The following HMCN2 variants were observed in gnomAD, a reference collection of about 807,000 sequenced individuals.
HMCN2 encodes hemicentin 2, also known as hemicentin-2.
Under a neutral mutation model 377.5 loss-of-function variants are expected in HMCN2, and 325 were observed. The observed-to-expected ratio is 0.86, with a 90% confidence interval of 0.79 to 0.94. HMCN2 has a LOEUF of 0.94. Among genes scored for constraint, HMCN2 ranks in the 40% least tolerant of loss-of-function variants. The pLI, the probability that HMCN2 is intolerant of heterozygous loss-of-function variation, is 0.00. For synonymous variants in HMCN2, 2,007 were observed against 2,046.8 expected, an observed-to-expected ratio of 0.98 and a Z score of 0.53; for missense variants, 4,543 against 4,725.3, an observed-to-expected ratio of 0.96 and a Z score of 1.13.
At position 130,354,856 on chromosome 9, in the gene HMCN2, A is replaced by C. The variant is rs1336517117; in HGVS notation, c.4958A>C (p.His1653Pro). 2.3e-6 allele frequency: 3 copies of C among 1,303,858 alleles called. No individual in the cohort carries two copies. Among genetic ancestry groups the C allele is most frequent in the Non-Finnish European group, 3.0e-6 (3 of 988,886 alleles). The allele number at this position is 1,303,858 out of a possible 1,614,324, so 80.8% of individuals were successfully genotyped here. A position where few individuals can be genotyped will look rare whatever the true frequency, so the allele number is the denominator to read the frequency against. The change falls in exon 32 of 98, where the codon CAC (histidine) becomes CCC (proline). Residue 1653 changes from histidine (H) to proline (P), a missense_variant. Physicochemically the swap from His to Pro is moderately conservative, Grantham distance 77. This residue lies in a region of HMCN2 where 1,032 missense variants were observed against 1,285.1 expected (regional missense o/e 0.80). Transcript: ENST00000683500. Reference protein sequence around the residue: ...PVALECVARGHPSPTLSWHHE... With the variant: ...PVALECVARGPPSPTLSWHHE... ...GCGCTGGAGTGCGTGGCCAGAGGCCACCCGTCCCCCACCCTCTCCTGGCAC... is the reference window on the plus strand; with the variant it reads ...GCGCTGGAGTGCGTGGCCAGAGGCCCCCCGTCCCCCACCCTCTCCTGGCAC...
chr9:130,280,324 G>A (rs1835044581), intron 1 of HMCN2, among the ~76,000 whole-genome samples: 1 of 59,982 alleles, frequency 1.7e-5, no homozygotes, highest in Non-Finnish European at 3.0e-5. Context: ...CACCATGCCC[G>A]GCTAATTTTT....
chr9:130,327,965 G>C (rs1293769197), intron 22 of HMCN2, among the ~76,000 whole-genome samples: 1 of 152,192 alleles, frequency 6.6e-6, no homozygotes, highest in Non-Finnish European at 1.5e-5. Context: ...GGAGGAGGCT[G>C]GCTTGGGTGT....
chr9:130,392,685 G>A (rs918671320), intron 66 of HMCN2, among the ~76,000 whole-genome samples: 26 of 152,240 alleles, frequency 1.7e-4, no homozygotes, highest in African/African-American at 5.5e-4. Context: ...TATCCTGGGG[G>A]CACCGGGAAC....
At chr9:130,430,201 G>C in intron 94 of HMCN2, 83 bp from the exon 95 acceptor site, 1 of 1,158,406 alleles carries the variant, frequency 8.6e-7, no homozygotes, top group South Asian at 1.5e-5. Flanking sequence ...GCCAACAAGA[G>C]AGAAGGCAGG....
rs922296068 is a variant in HMCN2 at position 130,392,130 on chromosome 9, G to A, written c.10136+12G>A. 60 of 987,966 alleles carry A rather than the reference G, an allele frequency of 6.1e-5. No individual in the cohort carries two copies. Among genetic ancestry groups the A allele is most frequent in the Non-Finnish European group, 6.5e-5 (54 of 830,116 alleles). The allele number at this position is 987,966 out of a possible 1,614,324, so 61.2% of individuals were successfully genotyped here. ...GGCCACACCCTCAGGTAGGGGAGACGGTGGACAGGCCTTGGCTATTCCACT... is the reference window on the plus strand; with the variant it reads ...GGCCACACCCTCAGGTAGGGGAGACAGTGGACAGGCCTTGGCTATTCCACT... On this transcript the variant is annotated intron_variant, in intron 66 of 97. Coordinates refer to ENST00000683500, the MANE Select transcript of HMCN2 (RefSeq NM_001291815.2).
At chr9:130,429,493 C>T (rs917323301) in intron 93 of HMCN2, 64 bp from the exon 94 acceptor site, 40 of 1,540,960 alleles carry the variant, frequency 2.6e-5, no homozygotes, top group Middle Eastern at 1.7e-4. Flanking sequence ...GGGGATGGTC[C>T]GTCCCTTGGG....
rs1840320383 is a variant in HMCN2 at position 130,360,539 on chromosome 9, G to A, written c.5885G>A (p.Ser1962Asn). The change falls in exon 38 of 98, where the codon AGC (serine) becomes AAC (asparagine). Residue 1962 changes from serine to asparagine, a missense_variant. Physicochemically the swap from Ser to Asn is conservative, Grantham distance 46. This residue lies in a region of HMCN2 where 1,032 missense variants were observed against 1,285.1 expected (regional missense o/e 0.80). Transcript: ENST00000683500. The surrounding 1 kb of genome is among the most constrained non-coding windows in gnomAD (Gnocchi z 4.7). ...CAAGCCCAGCTTTCTGATGCTGGGA[G>A]CTACCGCTGTGTGGCATCCAATGTG... The part of the protein sequence containing the change: ...IEQAQLSDAG[S>N]YRCVASNVAG... The A allele has an allele frequency of 7.7e-7, 1 of 1,304,100 alleles. No homozygotes were observed. 80.8% of individuals were successfully genotyped at this position (1,304,100 alleles called of 1,614,324 possible). A position where few individuals can be genotyped will look rare whatever the true frequency, so the allele number is the denominator to read the frequency against.
At chr9:130,389,660 T>C (rs1349087968) in intron 62 of HMCN2, among the ~76,000 whole-genome samples, 8 of 151,994 alleles carry the variant, frequency 5.3e-5, no homozygotes, top group Non-Finnish European at 8.8e-5. Flanking sequence ...CTGCAACCTC[T>C]GCCTCCTGGG....
intron 55 of HMCN2, 46 bp from the exon 56 acceptor site, chr9:130,382,633 C>T (rs1421217559): frequency 1.3e-6 from 1 of 742,378 alleles, no homozygotes; most frequent in African/African-American, 1.9e-5. Flanking sequence ...ACCCCCGCCC[C>T]CAGGGACCTG....
intron 4 of HMCN2, among the ~76,000 whole-genome samples, chr9:130,288,688 C>T (rs1299790073): frequency 6.6e-6 from 1 of 152,200 alleles, no homozygotes; most frequent in Admixed American, 6.5e-5. Context: ...GCTCCTGCCC[C>T]GGGCCAGGTG....
At position 130,276,008 on chromosome 9, in the gene HMCN2, T is replaced by G. The variant is rs886473642; in HGVS notation, c.260-8595T>G. On this transcript the variant is annotated intron_variant, in intron 1 of 97. Transcript: ENST00000683500. ...TCAAAGGGCTTTCCAGGCGAGGAAC[T>G]GTGCAGGGGAGGGGTGCTAGAAAGA... 2.6e-5 allele frequency among the ~76,000 whole-genome samples: 4 copies of G among 151,338 alleles called. 1 individual carries two copies. Among genetic ancestry groups the G allele is most frequent in the African/African-American group, 9.7e-5 (4 of 41,264 alleles).
At chr9:130,392,755 G>A (rs1842385941) in intron 66 of HMCN2, among the ~76,000 whole-genome samples, 1 of 152,134 alleles carries the variant, frequency 6.6e-6, no homozygotes, top group South Asian at 2.1e-4. Flanking sequence ...CCAGCACTTT[G>A]GGAGGCCAAG....
At chr9:130,380,512 C>T (rs571993384) in intron 54 of HMCN2, among the ~76,000 whole-genome samples, 157 of 152,178 alleles carry the variant, frequency 1.0e-3, no homozygotes, top group African/African-American at 3.5e-3. Flanking sequence ...GGTGGCTGGG[C>T]GCCGTGGCTC....
Position 130,399,533 on chromosome 9 carries a change from C to T in HMCN2, c.11506C>T (p.Leu3836Phe), listed in dbSNP as rs1271063113. ...AYRLLPSNAL[L>F]LTAPGPQDSA... ...CAGGCTCCTGCCCTCCAACGCCCTG[C>T]TCCTCACGGCCCCCGGCCCCCAGGA... The change falls in exon 76 of 98, where the codon CTC becomes TTC. Residue 3836 changes from leucine to phenylalanine, a missense_variant. Physicochemically the swap from Leu to Phe is conservative, Grantham distance 22. Transcript: ENST00000683500. The T allele has an allele frequency of 7.8e-7, 1 of 1,289,198 alleles. No homozygotes were observed. Among genetic ancestry groups the T allele is most frequent in the Admixed American group, 2.3e-5 (1 of 43,562 alleles). The allele number at this position is 1,289,198 out of a possible 1,614,324, so 79.9% of individuals were successfully genotyped here.
intron 43 of HMCN2, among the ~76,000 whole-genome samples, chr9:130,367,328 G>A (rs144384375): frequency 1.8e-4 from 27 of 152,252 alleles, no homozygotes; most frequent in African/African-American, 6.3e-4. Context: ...AAGCAGCCTG[G>A]GAGTAGCAAG....
intron 43 of HMCN2, among the ~76,000 whole-genome samples, chr9:130,366,507 G>T (rs546390206): frequency 1.1e-3 from 143 of 131,288 alleles, no homozygotes; most frequent in African/African-American, 4.0e-3. Context: ...AGGCTGGAGT[G>T]CAGTGGCACG....
intron 15 of HMCN2, among the ~76,000 whole-genome samples, chr9:130,314,812 T>A (rs982637588): frequency 3.3e-5 from 5 of 152,126 alleles, no homozygotes; most frequent in Admixed American, 3.3e-4. Flanking sequence ...CCTAGAGCTG[T>A]AAGGTACCAG....
intron 1 of HMCN2, among the ~76,000 whole-genome samples, chr9:130,279,147 C>A (rs1467400082): frequency 6.6e-6 from 1 of 151,738 alleles, no homozygotes; most frequent in Non-Finnish European, 1.5e-5. Context: ...GATCCACCCA[C>A]CTCGGCCTCC....
At chr9:130,424,357 T>TG (rs1009118442) in intron 87 of HMCN2, among the ~76,000 whole-genome samples, 1 of 150,426 alleles carries the variant, frequency 6.6e-6, no homozygotes, top group African/African-American at 2.4e-5. Flanking sequence ...TTTTTTTTTT[T>TG]TTGTATTTTT....
Sources: gnomAD v4.1 joint callset for allele counts (sites outside exome capture counted in the v4.1 genomes callset) on GRCh38, gnomAD v4.1.1 for gene constraint, gnomAD v4.1.1 regional missense constraint, Gnocchi (gnomAD v3.1) non-coding constraint, MANE v1.5 for transcripts, NCBI Gene and HGNC (gene_info 2026-07-23, HGNC 2026-07-21) for gene names.